MTSS2: variants seen among roughly 807,000 people sequenced by gnomAD.
The protein encoded by MTSS2 is protein MTSS 2.
A neutral mutation model predicts 67.1 loss-of-function variants in MTSS2; 27 were observed. That is an observed-to-expected ratio of 0.40 (90% CI 0.30 to 0.55). The LOEUF (loss-of-function observed/expected upper bound fraction) is 0.55, where lower values mean the gene tolerates loss of function less well. Ranked by LOEUF, MTSS2 falls within the 20% of genes least tolerant of loss-of-function variation. MTSS2 has a pLI of 0.43. For missense variants in MTSS2, 1,171 were observed against 1,067.8 expected, an observed-to-expected ratio of 1.10 and a Z score of -1.35; for synonymous variants, 624 against 468.6, an observed-to-expected ratio of 1.33 and a Z score of -4.28.
intron 1 of MTSS2, among the ~76,000 whole-genome samples, chr16:70,682,485 C>T (rs1023859288): frequency 5.9e-5 from 9 of 152,050 alleles, no homozygotes; most frequent in Non-Finnish European, 1.3e-4. Flanking sequence ...GAGCCAGCTG[C>T]CCTGGCACCC....
At chr16:70,674,799 C>T (rs978511331) in intron 10 of MTSS2, among the ~76,000 whole-genome samples, 9 of 152,162 alleles carry the variant, frequency 5.9e-5, no homozygotes, top group Admixed American at 2.6e-4. Context: ...AACCTCTCTG[C>T]CTCCTATTCT....
Position 70,678,317 on chromosome 16 carries a change from G to A in MTSS2, c.559C>T (p.Arg187Cys), listed in dbSNP as rs199534659. 7 of 1,612,622 alleles carry A rather than the reference G, an allele frequency of 4.3e-6. No individual in the cohort carries two copies. Among genetic ancestry groups the A allele is most frequent in the South Asian group, 3.3e-5 (3 of 91,078 alleles). The change falls in exon 8 of 15, where the codon CGC (arginine) becomes TGC (cysteine). Residue 187 changes from arginine to cysteine, a missense_variant. Arg to Cys is a radical substitution (Grantham distance 180, BLOSUM62 -3). This residue lies in a region of MTSS2 where 247 missense variants were observed against 311.8 expected (regional missense o/e 0.79). Transcript: ENST00000338779. ...LLEETEKQAVRRALIEERGRF... is the reference protein window; with the variant it reads ...LLEETEKQAVCRALIEERGRF... ...CCCCGCTCCTCGATCAGCGCCCGGCGCACGGCCTGCTTCTCCGTCTCCTCC... is the reference window on the plus strand; with the variant it reads ...CCCCGCTCCTCGATCAGCGCCCGGCACACGGCCTGCTTCTCCGTCTCCTCC...
Position 70,678,507 on chromosome 16 carries a change from T to C in MTSS2, c.467-98A>G, listed in dbSNP as rs1162169564. The C allele has an allele frequency of 4.2e-6, 6 of 1,425,404 alleles. No homozygotes were observed. The African/African-American group carries it at 7.1e-5, about 17-fold the overall frequency. The allele number at this position is 1,425,404 out of a possible 1,614,324, so 88.3% of individuals were successfully genotyped here. On this transcript the variant is annotated intron_variant, in intron 7 of 14. Coordinates refer to ENST00000338779, the MANE Select transcript of MTSS2 (RefSeq NM_138383.3). ...CCCTGGTGGTGGCATCTCTCGGCCG[T>C]TGGGCTGGGTGTTGCCCTGGGGCCA... is the stretch of plus-strand genomic sequence containing the variant.
At position 70,662,982 on chromosome 16, in the gene MTSS2, G is replaced by A. The variant is rs913470881; in HGVS notation, c.*695C>T. 2.0e-5 allele frequency: 3 copies of A among 152,716 alleles called. No individual in the cohort carries two copies. The highest frequency in any genetic ancestry group is 7.2e-5 in the African/African-American group (3 of 41,422). 9.5% of individuals were successfully genotyped at this position (152,716 alleles called of 1,614,324 possible). On this transcript the variant is annotated 3_prime_UTR_variant, in exon 15 of 15. Coordinates refer to ENST00000338779, the MANE Select transcript of MTSS2 (RefSeq NM_138383.3). The stretch of plus-strand genomic sequence containing the variant: ...GGCCCCCTCCAGCCAGCCTCACGGG[G>A]TGGGGGAGGCGAGGGGTGGGAGCCA...
Position 70,664,042 on chromosome 16 carries a change from C to G in MTSS2, c.1879G>C (p.Ala627Pro). ...GGGGAGGCCTTGGCGAGGTCCGGTGCCAGGGGTGAGGCGGTCTCGTCGGTA... is the reference window on the plus strand; with the variant it reads ...GGGGAGGCCTTGGCGAGGTCCGGTGGCAGGGGTGAGGCGGTCTCGTCGGTA... ...FYTDETASPL[A>P]PDLAKASPKR... Residue 627 changes from alanine to proline, a missense_variant, in exon 15 of 15, where the codon GCA (alanine) becomes CCA (proline). Physicochemically the swap from Ala to Pro is conservative, Grantham distance 27. Coordinates refer to ENST00000338779, the MANE Select transcript of MTSS2 (RefSeq NM_138383.3). The G allele has an allele frequency of 6.2e-7, 1 of 1,609,704 alleles. No individual in the cohort carries two copies. Among genetic ancestry groups the G allele is most frequent in the East Asian group, 2.2e-5 (1 of 44,784 alleles).
chr16:70,663,975 G>A lies in MTSS2; in HGVS notation c.1946C>T (p.Ser649Phe), dbSNP rs572552551. Residue 649 changes from serine to phenylalanine, a missense_variant, in exon 15 of 15, where the codon TCC (serine) becomes TTC (phenylalanine). By Grantham distance (155) the Ser-to-Phe change is radical. This residue lies in a region of MTSS2 where 924 missense variants were observed against 756.0 expected (regional missense o/e 1.22). Coordinates refer to ENST00000338779, the MANE Select transcript of MTSS2 (RefSeq NM_138383.3). ...CCCGGGGTACCCGGCTGCCTCTGGG[G>A]ATGGGCTGCCCCAGGCTGTGTTGGG... ...SLPNTAWGSP[S>F]PEAAGYPGAG... 4 of 1,578,840 alleles carry A rather than the reference G, an allele frequency of 2.5e-6. No homozygotes were observed. Among genetic ancestry groups the A allele is most frequent in the Admixed American group, 3.6e-5 (2 of 54,982 alleles).
At chr16:70,672,387 T>G (rs1597810592) in intron 11 of MTSS2, among the ~76,000 whole-genome samples, 1 of 135,886 alleles carries the variant, frequency 7.4e-6, no homozygotes, top group African/African-American at 2.7e-5. Context: ...CCCGGGAACA[T>G]TATGTAGGGT....
intron 9 of MTSS2, 56 bp downstream of exon 9, chr16:70,677,736 G>T: frequency 5.1e-6 from 7 of 1,384,774 alleles, no homozygotes; most frequent in Non-Finnish European, 4.0e-6. Flanking sequence ...CCAACCTAGG[G>T]CAGCCCATCT....
chr16:70,666,417 AG>A (rs1432592649), intron 11 of MTSS2, among the ~76,000 whole-genome samples: 2 of 152,220 alleles, frequency 1.3e-5, no homozygotes, highest in African/African-American at 4.8e-5. Context: ...TAAAGAAAAA[AG>A]CAGGGTAGAC....
chr16:70,676,992 T>C lies in MTSS2; in HGVS notation c.733-14A>G, dbSNP rs749704262. The C allele has an allele frequency of 6.2e-6, 10 of 1,605,696 alleles. No individual in the cohort carries two copies. Among genetic ancestry groups the C allele is most frequent in the Non-Finnish European group, 8.5e-6 (10 of 1,174,328 alleles). ...GTCTTTGATTACCTGGACAGGGACA[T>C]GGATGGGGGTCACTGGAGGCAGCTC... On this transcript the variant is annotated splice_polypyrimidine_tract_variant and intron_variant, in intron 9 of 14. Transcript: ENST00000338779.
chr16:70,662,470 CAG>C lies in MTSS2; in HGVS notation c.*1205_*1206del, dbSNP rs1204294967. The C allele has an allele frequency of 6.6e-6, 1 of 152,284 alleles. No homozygotes were observed. The highest frequency in any genetic ancestry group is 1.5e-5 in the Non-Finnish European group (1 of 68,102). The allele number at this position is 152,284 out of a possible 1,614,324, so 9.4% of individuals were successfully genotyped here. ...GCTGGGATGGCATCTCCTCCGGCAA[CAG>C]AGAGTCAAAGCCAATCTTCCCAGAC... is the stretch of plus-strand genomic sequence containing the variant. On this transcript the variant is annotated 3_prime_UTR_variant, in exon 15 of 15. Coordinates refer to ENST00000338779, the MANE Select transcript of MTSS2 (RefSeq NM_138383.3).
intron 11 of MTSS2, 128 bp downstream of exon 11, chr16:70,674,178 G>A (rs970045978): frequency 2.7e-6 from 2 of 739,606 alleles, no homozygotes; most frequent in South Asian, 1.9e-5. Flanking sequence ...AAGGCCTTGG[G>A]GGCCTTCAGG....
intron 12 of MTSS2, 29 bp from the exon 13 acceptor site, chr16:70,665,125 G>A (rs755285799): frequency 1.1e-5 from 18 of 1,574,642 alleles, no homozygotes; most frequent in Non-Finnish European, 1.5e-5. Context: ...AGGTCAGGGG[G>A]ACCACTGGCC....
chr16:70,678,868 T>C lies in MTSS2; in HGVS notation c.466+447A>G, dbSNP rs144206992. Among the ~76,000 whole-genome samples, 860 of 151,958 alleles carry C rather than the reference T, an allele frequency of 5.7e-3. 4 individuals carry two copies. The highest frequency in any genetic ancestry group is 9.9e-3 in the Non-Finnish European group (669 of 67,916). ...GGCCAGGAGAGCTAGGGCTGGGCCTTGGAGGCAGGGAAGGGGTCTCAGTGT... is the reference window on the plus strand; with the variant it reads ...GGCCAGGAGAGCTAGGGCTGGGCCTCGGAGGCAGGGAAGGGGTCTCAGTGT... On this transcript the variant is annotated intron_variant, in intron 7 of 14. Transcript: ENST00000338779.
Position 70,661,704 on chromosome 16 carries a change from A to G in MTSS2, c.*1973T>C. The G allele has an allele frequency of 4.3e-6, 1 of 233,472 alleles. No individual in the cohort carries two copies. Among genetic ancestry groups the G allele is most frequent in the Non-Finnish European group, 8.5e-6 (1 of 117,920 alleles). 14.5% of individuals were successfully genotyped at this position (233,472 alleles called of 1,614,324 possible). On this transcript the variant is annotated 3_prime_UTR_variant, in exon 15 of 15. Coordinates refer to ENST00000338779, the MANE Select transcript of MTSS2 (RefSeq NM_138383.3). ...AGTATGTACAGCCCCCGGGGCTCAC[A>G]GGGGAGGGGGACGGCGGAGTCGGTG...
chr16:70,663,700 T>A lies in MTSS2; in HGVS notation c.2221A>T (p.Arg741Trp), dbSNP rs1196295144. The change falls in exon 15 of 15, where the codon AGG (arginine) becomes TGG (tryptophan). Residue 741 changes from arginine to tryptophan, a missense_variant. Coordinates refer to ENST00000338779, the MANE Select transcript of MTSS2 (RefSeq NM_138383.3). ...CATCATAAGATGCGGGGCGCCGACC[T>A]GTCGTTGGTGACGGTCCTGCGGAGC... ...VRLRRTVTND[R>W]SAPRIL The A allele has an allele frequency of 6.3e-7, 1 of 1,588,710 alleles. No homozygotes were observed. Among genetic ancestry groups the A allele is most frequent in the Non-Finnish European group, 8.6e-7 (1 of 1,168,720 alleles).
At chr16:70,680,479 C>T (rs923466954) in intron 3 of MTSS2, among the ~76,000 whole-genome samples, 2 of 152,192 alleles carry the variant, frequency 1.3e-5, no homozygotes, top group African/African-American at 4.8e-5. Flanking sequence ...ACCCTGCGTG[C>T]TCTTAGAAGG....
At position 70,663,762 on chromosome 16, in the gene MTSS2, G is replaced by A. The variant is rs755580472; in HGVS notation, c.2159C>T (p.Ala720Val). The A allele has an allele frequency of 6.5e-7, 1 of 1,544,428 alleles. No homozygotes were observed. ...CCGGATGGCCACCAGCATGTCTTCGGCCGGGGGGTCGCTGGTGGCGGCTGG... is the reference window on the plus strand; with the variant it reads ...CCGGATGGCCACCAGCATGTCTTCGACCGGGGGGTCGCTGGTGGCGGCTGG... ...PPPAATSDPPAEDMLVAIRRG... is the reference protein window; with the variant it reads ...PPPAATSDPPVEDMLVAIRRG... The change falls in exon 15 of 15, where the codon GCC (alanine) becomes GTC (valine). Residue 720 changes from alanine (A) to valine (V), a missense_variant. Coordinates refer to ENST00000338779, the MANE Select transcript of MTSS2 (RefSeq NM_138383.3).
chr16:70,671,378 G>A (rs1364439410), intron 11 of MTSS2, among the ~76,000 whole-genome samples: 2 of 151,404 alleles, frequency 1.3e-5, no homozygotes, highest in Non-Finnish European at 2.9e-5. Context: ...CTCCAGCCTG[G>A]GCAATGGAGC....
Sources: gnomAD v4.1 joint callset for allele counts (sites outside exome capture counted in the v4.1 genomes callset) on GRCh38, gnomAD v4.1.1 for gene constraint, gnomAD v4.1.1 regional missense constraint, MANE v1.5 for transcripts, NCBI Gene and HGNC (gene_info 2026-07-23, HGNC 2026-07-21) for gene names.